The following NFE2L2 variants were observed in gnomAD, a reference collection of about 807,000 sequenced individuals.
NFE2L2 encodes NFE2 like bZIP transcription factor 2.
In NFE2L2, 20 loss-of-function variants were observed where a neutral mutation model predicts 49.6. The observed-to-expected ratio is 0.40, with a 90% CI of 0.28 to 0.59. The LOEUF (loss-of-function observed/expected upper bound fraction) is 0.59. Among genes scored for constraint, NFE2L2 ranks in the 20% least tolerant of loss-of-function variants. The pLI is 0.40. For missense variants in NFE2L2, 578 were observed against 714.2 expected (o/e 0.81, Z 2.17); for synonymous variants, 244 against 256.5 (o/e 0.95, Z 0.47).
intron 1 of NFE2L2, among the ~76,000 whole-genome samples, chr2:177,234,872 T>C (rs1344139402): frequency 6.6e-6 from 1 of 152,140 alleles, no homozygotes; most frequent in Non-Finnish European, 1.5e-5. Flanking sequence ...TCCCAGCACT[T>C]TGGGAGGCCA....
rs775147393 is a variant in NFE2L2 at position 177,233,349 on chromosome 2, G to T, written c.313-10C>A. On this transcript the variant is annotated splice_polypyrimidine_tract_variant and intron_variant, in intron 2 of 4. Coordinates refer to ENST00000397062, the MANE Select transcript of NFE2L2 (RefSeq NM_006164.5). ...TGGGAATGTGGGCAACCTGATAAAA[G>T]GGAATGACACAAAGGAAAACAAAAA... The T allele has an allele frequency of 6.2e-7, 1 of 1,604,242 alleles. No homozygotes were observed. The highest frequency in any genetic ancestry group is 1.3e-5 in the African/African-American group (1 of 74,444).
In NFE2L2 at chr2:177,263,678, A is replaced by C. The variant is rs1001843982; in HGVS notation, c.45+854T>G. On this transcript the variant is annotated intron_variant, in intron 1 of 4. Transcript: ENST00000397062. ...CACCAGGGGGCACCGCGTCCGAACTAGAAGCCCCGGGTGCCGCCGACTCCG... is the reference window on the plus strand; with the variant it reads ...CACCAGGGGGCACCGCGTCCGAACTCGAAGCCCCGGGTGCCGCCGACTCCG... 9.1e-6 allele frequency: 9 copies of C among 985,352 alleles called. No homozygotes were observed. The Admixed American group carries it at 4.9e-4, about 54-fold the overall frequency. The allele number at this position is 985,352 out of a possible 1,614,324, so 61.0% of individuals were successfully genotyped here. A position where few individuals can be genotyped will look rare whatever the true frequency, so the allele number is the denominator to read the frequency against.
Position 177,264,526 on chromosome 2 carries a change from C to T in NFE2L2, c.45+6G>A. On this transcript the variant is annotated splice_donor_region_variant and intron_variant, in intron 1 of 4. Coordinates refer to ENST00000397062, the MANE Select transcript of NFE2L2 (RefSeq NM_006164.5). ...CACCGCAGGGCCCAGAGGGCCGAGG[C>T]AGCACCTGCTGGGACGGGAGTCCCG... is the stretch of plus-strand genomic sequence containing the variant. 1 of 1,525,532 alleles carries T rather than the reference C, an allele frequency of 6.6e-7. No individual in the cohort carries two copies. 94.5% of individuals were successfully genotyped at this position (1,525,532 alleles called of 1,614,324 possible). A position where few individuals can be genotyped will look rare whatever the true frequency, so the allele number is the denominator to read the frequency against.
At chr2:177,254,819 G>A (rs904068565) in intron 1 of NFE2L2, among the ~76,000 whole-genome samples, 2 of 152,182 alleles carry the variant, frequency 1.3e-5, no homozygotes, top group Admixed American at 6.5e-5. Context: ...TCCCAGTTCT[G>A]CTACCTGCAA....
At chr2:177,239,534 G>C (rs879381618) in intron 1 of NFE2L2, among the ~76,000 whole-genome samples, 1 of 152,032 alleles carries the variant, frequency 6.6e-6, no homozygotes, top group Non-Finnish European at 1.5e-5. Flanking sequence ...AAAATTAGCC[G>C]GGCGTGGTGG....
chr2:177,252,154 A>G (rs1690365266), intron 1 of NFE2L2, among the ~76,000 whole-genome samples: 3 of 152,168 alleles, frequency 2.0e-5, no homozygotes, highest in Admixed American at 6.5e-5. Flanking sequence ...ACATCAATCT[A>G]AAGATGATGA....
At chr2:177,259,278 G>A (rs903465416) in intron 1 of NFE2L2, among the ~76,000 whole-genome samples, 1 of 151,962 alleles carries the variant, frequency 6.6e-6, no homozygotes, top group Non-Finnish European at 1.5e-5. Flanking sequence ...CTCCAGCCTG[G>A]GTGACCGACT....
At chr2:177,259,737 C>G (rs1438517459) in intron 1 of NFE2L2, among the ~76,000 whole-genome samples, 2 of 152,048 alleles carry the variant, frequency 1.3e-5, no homozygotes, top group East Asian at 3.9e-4. Context: ...TCGAGATCAT[C>G]CTGGCTAACA....
intron 1 of NFE2L2, among the ~76,000 whole-genome samples, chr2:177,238,842 C>T (rs930044715): frequency 1.3e-5 from 2 of 152,166 alleles, no homozygotes; most frequent in African/African-American, 4.8e-5. Flanking sequence ...GAATTATTTA[C>T]AAATAATAAA....
Position 177,231,584 on chromosome 2 carries a change from T to C in NFE2L2, c.1019A>G (p.Asn340Ser), listed in dbSNP as rs755229916. ...QNHPESTAEF[N>S]DSDSGISLNT... ...TAGTGAAATGCCGGAGTCAGAATCA[T>C]TGAATTCTGCTGTGCTTTCAGGGTG... Residue 340 changes from asparagine (N) to serine (S), a missense_variant, in exon 5 of 5, where the codon AAT becomes AGT. Physicochemically the swap from Asn to Ser is conservative, Grantham distance 46 (BLOSUM62 1). This residue lies in a region of NFE2L2 where 368 missense variants were observed against 384.6 expected (regional missense o/e 0.96). Transcript: ENST00000397062. 124 of 1,614,092 alleles carry C rather than the reference T, an allele frequency of 7.7e-5. No homozygotes were observed. The highest frequency in any genetic ancestry group is 2.5e-4 in the Admixed American group (15 of 60,006).
In NFE2L2 at chr2:177,264,556, C is replaced by T. The variant is rs1253821959; in HGVS notation, c.21G>A (p.Pro7=). The part of the protein sequence containing the change: MMDLEL[P]PPGLPSQQDM... Reference sequence around the variant, plus strand: ...CCTGCTGGGACGGGAGTCCCGGCGGCGGCAGCTCCAAGTCCATCATGATGA... The same window carrying T: ...CCTGCTGGGACGGGAGTCCCGGCGGTGGCAGCTCCAAGTCCATCATGATGA... Residue 7 remains proline (P), a synonymous_variant, in exon 1 of 5, where the codon CCG becomes CCA. Transcript: ENST00000397062. 3 of 1,519,224 alleles carry T rather than the reference C, an allele frequency of 2.0e-6. No homozygotes were observed. The highest frequency in any genetic ancestry group is 2.6e-6 in the Non-Finnish European group (3 of 1,132,572). 94.1% of individuals were successfully genotyped at this position (1,519,224 alleles called of 1,614,324 possible). A position where few individuals can be genotyped will look rare whatever the true frequency, so the allele number is the denominator to read the frequency against.
intron 1 of NFE2L2, among the ~76,000 whole-genome samples, chr2:177,238,530 C>T (rs1049382322): frequency 6.6e-6 from 1 of 152,116 alleles, no homozygotes; most frequent in South Asian, 2.1e-4. Flanking sequence ...AAATGAGGCA[C>T]GTGAAAAGTA....
intron 1 of NFE2L2, among the ~76,000 whole-genome samples, chr2:177,256,499 C>CAAAAAAA (rs35073132): frequency 1.5e-4 from 11 of 75,062 alleles, no homozygotes; most frequent in African/African-American, 1.9e-4. Context: ...TACATTCTTG[C>CAAAAAAA]AAAAAAAAAA....
chr2:177,253,871 A>C (rs1690426251), intron 1 of NFE2L2, among the ~76,000 whole-genome samples: 1 of 152,220 alleles, frequency 6.6e-6, no homozygotes, highest in South Asian at 2.1e-4. Context: ...ATATCCTTTA[A>C]AGAATTTTGC....
intron 1 of NFE2L2, among the ~76,000 whole-genome samples, chr2:177,240,561 A>G (rs144543556): frequency 6.6e-6 from 1 of 152,312 alleles, no homozygotes; most frequent in African/African-American, 2.4e-5. Flanking sequence ...TTTGATAAGA[A>G]ACACAAATGT....
intron 1 of NFE2L2, among the ~76,000 whole-genome samples, chr2:177,246,774 C>CTTTTTTT (rs56311819): frequency 4.3e-5 from 5 of 117,514 alleles, no homozygotes; most frequent in African/African-American, 6.4e-5. Context: ...TAATATTTTA[C>CTTTTTTT]TTTTTTTTTT....
At chr2:177,263,329 A>G in intron 1 of NFE2L2, 1 of 980,368 alleles carries the variant, frequency 1.0e-6, no homozygotes, top group Non-Finnish European at 1.2e-6. Context: ...CAGGGGAGAA[A>G]TAATAGCTGA....
chr2:177,259,940 A>C (rs1209885396), intron 1 of NFE2L2, among the ~76,000 whole-genome samples: 1 of 152,196 alleles, frequency 6.6e-6, no homozygotes, highest in Admixed American at 6.5e-5. Flanking sequence ...TCAAAAAAAA[A>C]AGCCATCTGT....
Position 177,245,281 on chromosome 2 carries a change from C to A in NFE2L2, c.46-11010G>T, listed in dbSNP as rs1481538788. Among the ~76,000 whole-genome samples the A allele has an allele frequency of 2.6e-5, 4 of 152,274 alleles. No individual in the cohort carries two copies. In the East Asian group the frequency reaches 7.7e-4, roughly 29 times the overall value. Reference sequence around the variant, plus strand: ...GAAGGGACCACAGGAATCACCCAGACAGCCCCTCTTGTTTTGCAAATAAGG... The same window carrying A: ...GAAGGGACCACAGGAATCACCCAGAAAGCCCCTCTTGTTTTGCAAATAAGG... On this transcript the variant is annotated intron_variant, in intron 1 of 4. Coordinates refer to ENST00000397062, the MANE Select transcript of NFE2L2 (RefSeq NM_006164.5).
Sources: allele counts gnomAD v4.1 joint callset (sites outside exome capture counted in the v4.1 genomes callset), GRCh38; gene constraint gnomAD v4.1.1; regional missense constraint gnomAD v4.1.1; transcripts MANE v1.5; gene names NCBI Gene and HGNC (gene_info 2026-07-23, HGNC 2026-07-21).